Variants in CLMN observed in about 807,000 individuals in gnomAD.
CLMN encodes calmin (calponin-like, transmembrane).
In CLMN, 57 loss-of-function variants were observed where a neutral mutation model predicts 92.7. The observed-to-expected ratio is 0.61, with a 90% CI of 0.50 to 0.77. The LOEUF is 0.77. CLMN is among the 30% of genes least tolerant of loss of function. The pLI, the probability that CLMN is intolerant of heterozygous loss-of-function variation, is 0.00. For missense variants in CLMN, 1,158 were observed against 1,237.5 expected, an observed-to-expected ratio of 0.94 and a Z score of 0.96; for synonymous variants, 466 against 470.6, an observed-to-expected ratio of 0.99 and a Z score of 0.13.
chr14:95,254,476 T>C (rs1898914427), intron 1 of CLMN, among the ~76,000 whole-genome samples: 1 of 152,126 alleles, frequency 6.6e-6, no homozygotes, highest in South Asian at 2.1e-4. Context: ...AGTGGAGCTG[T>C]GTAGAATATA....
rs561225414 is a variant in CLMN, at chr14:95,218,809, T to C, written c.324+2882A>G. Among the ~76,000 whole-genome samples the C allele has an allele frequency of 9.9e-5, 15 of 152,180 alleles. No homozygotes were observed. In the East Asian group the frequency reaches 1.4e-3, roughly 14 times the overall value. ...GAATATTTACAGTTGTTTGAAAAAA[T>C]AGAGGGGATGGAGGCTTTAATGTTC... On this transcript the variant is annotated intron_variant, in intron 4 of 12. Coordinates refer to ENST00000298912, the MANE Select transcript of CLMN (RefSeq NM_024734.4).
chr14:95,286,088 A>G (rs1287025105), intron 1 of CLMN, among the ~76,000 whole-genome samples: 1 of 152,214 alleles, frequency 6.6e-6, no homozygotes, highest in Non-Finnish European at 1.5e-5. Flanking sequence ...TCCTCTGGCT[A>G]TTTGATATTA....
chr14:95,204,497 A>G (rs775592063), intron 8 of CLMN, 34 bp from the exon 9 acceptor site: 9 of 1,520,036 alleles, frequency 5.9e-6, no homozygotes, highest in Non-Finnish European at 7.9e-6. Flanking sequence ...CAAACAAAAA[A>G]AAACAAAAGA....
chr14:95,282,437 C>T (rs7149029), intron 1 of CLMN, among the ~76,000 whole-genome samples: 109,506 of 152,026 alleles, frequency 0.72, 40,568 homozygotes, highest in Middle Eastern at 0.86. Flanking sequence ...TGGGGGGCGA[C>T]ATAGGAAGGG....
intron 2 of CLMN, 101 bp from the exon 3 acceptor site, chr14:95,223,956 A>C: frequency 1.2e-6 from 1 of 813,858 alleles, no homozygotes; most frequent in Non-Finnish European, 2.0e-6. Flanking sequence ...ACTTCCAAAC[A>C]TCCAGCTCTG....
chr14:95,193,746 T>A (rs1896619077), intron 12 of CLMN, 103 bp downstream of exon 12: 1 of 1,366,416 alleles, frequency 7.3e-7, no homozygotes, highest in Non-Finnish European at 1.0e-6. Context: ...TTAATACTGT[T>A]ATCAACAAAG....
Position 95,189,870 on chromosome 14 carries a change from T to C in CLMN, c.*1694A>G, listed in dbSNP as rs941574486. 6.6e-6 allele frequency: 1 copy of C among 152,224 alleles called. No homozygotes were observed. Among genetic ancestry groups the C allele is most frequent in the African/African-American group, 2.4e-5 (1 of 41,464 alleles). 9.4% of individuals were successfully genotyped at this position (152,224 alleles called of 1,614,324 possible). Reference sequence around the variant, plus strand: ...AATTCTTTCAGGAGGGGAGACAGACTATAATCAGACTGGTTTAGAGGCCAG... The same window carrying C: ...AATTCTTTCAGGAGGGGAGACAGACCATAATCAGACTGGTTTAGAGGCCAG... On this transcript the variant is annotated 3_prime_UTR_variant, in exon 13 of 13. Coordinates refer to ENST00000298912, the MANE Select transcript of CLMN (RefSeq NM_024734.4).
chr14:95,246,495 G>C (rs572121498), intron 1 of CLMN, among the ~76,000 whole-genome samples: 24 of 152,280 alleles, frequency 1.6e-4, no homozygotes, highest in African/African-American at 5.5e-4. Flanking sequence ...TTGAGATGGA[G>C]TCTCGCTCTG....
chr14:95,298,788 A>G (rs548069241), intron 1 of CLMN, among the ~76,000 whole-genome samples: 2 of 152,318 alleles, frequency 1.3e-5, no homozygotes, highest in South Asian at 4.1e-4. Flanking sequence ...CCTAACATCC[A>G]GGGTACCATC....
Position 95,198,445 on chromosome 14 carries a change from G to C in CLMN, c.2512-1751C>G, listed in dbSNP as rs578011527. Among the ~76,000 whole-genome samples, 861 of 151,926 alleles carry C rather than the reference G, an allele frequency of 5.7e-3. 4 individuals are homozygous for C. The highest frequency in any genetic ancestry group is 0.02 in the African/African-American group (823 of 41,402). ...CCAAGACTCCCAGACCTCACCTTGG[G>C]CTCCTCATCAAACGGGCTGTACCCT... On this transcript the variant is annotated intron_variant, in intron 9 of 12. Transcript: ENST00000298912.
intron 1 of CLMN, among the ~76,000 whole-genome samples, chr14:95,253,664 G>A (rs1007418891): frequency 2.0e-5 from 3 of 150,888 alleles, no homozygotes; most frequent in Non-Finnish European, 4.4e-5. Flanking sequence ...CCAGGCTGGA[G>A]TGCAGTGGCG....
At chr14:95,318,195 C>G (rs973525713) in intron 1 of CLMN, among the ~76,000 whole-genome samples, 1 of 152,180 alleles carries the variant, frequency 6.6e-6, no homozygotes. Context: ...CTAAGACAGA[C>G]AGGTACACAC....
At chr14:95,224,125 C>T (rs1309411757) in intron 2 of CLMN, among the ~76,000 whole-genome samples, 2 of 152,166 alleles carry the variant, frequency 1.3e-5, no homozygotes, top group African/African-American at 4.8e-5. Context: ...CCCTTCAAAC[C>T]GAAGATCTCA....
At chr14:95,319,291 A>T (rs1901933054) in intron 1 of CLMN, among the ~76,000 whole-genome samples, 1 of 140,052 alleles carries the variant, frequency 7.1e-6, no homozygotes, top group Non-Finnish European at 1.5e-5. Context: ...GGTACTTAGG[A>T]AGTGCGCGAA....
rs1896980387 is a variant in CLMN, at chr14:95,204,289, CACAG to C, written c.1056_1059del (p.Cys353ThrfsTer6). 1 of 1,614,098 alleles carries C rather than the reference CACAG, an allele frequency of 6.2e-7. No homozygotes were observed. The highest frequency in any genetic ancestry group is 8.5e-7 in the Non-Finnish European group (1 of 1,180,020). On this transcript the variant is annotated frameshift_variant, in exon 9 of 13. Coordinates refer to ENST00000298912, the MANE Select transcript of CLMN (RefSeq NM_024734.4). LOFTEE classifies it high-confidence loss of function. ...AATTCCTTCATGCTCTCGGGCTTGT[CACAG>C]ACAAAGACTTTGGAGGGTGGTGGGT...
chr14:95,318,311 A>G (rs1195571872), intron 1 of CLMN, among the ~76,000 whole-genome samples: 1 of 152,180 alleles, frequency 6.6e-6, no homozygotes, highest in Non-Finnish European at 1.5e-5. Context: ...TTATCAAAAG[A>G]GATCACTTTC....
intron 1 of CLMN, among the ~76,000 whole-genome samples, chr14:95,242,095 T>C (rs1898263872): frequency 6.6e-6 from 1 of 151,910 alleles, no homozygotes. Flanking sequence ...AAAACCCACT[T>C]GGATTACACC....
chr14:95,249,004 T>C (rs1461139699), intron 1 of CLMN, among the ~76,000 whole-genome samples: 1 of 152,232 alleles, frequency 6.6e-6, no homozygotes, highest in African/African-American at 2.4e-5. Context: ...AAAATTTTCT[T>C]TGTACAAAAT....
At chr14:95,297,702 C>G (rs1158953444) in intron 1 of CLMN, among the ~76,000 whole-genome samples, 1 of 152,132 alleles carries the variant, frequency 6.6e-6, no homozygotes, top group Non-Finnish European at 1.5e-5. Flanking sequence ...TTCCCTTCTT[C>G]CTCCTGAGCA....
Sources: gnomAD v4.1 joint callset for allele counts (sites outside exome capture counted in the v4.1 genomes callset) on GRCh38, gnomAD v4.1.1 for gene constraint, MANE v1.5 for transcripts, NCBI Gene and HGNC (gene_info 2026-07-23, HGNC 2026-07-21) for gene names.